The following ZNRF2 variants were observed in gnomAD, a reference collection of about 807,000 sequenced individuals.
ZNRF2 encodes the protein zinc and ring finger 2.
ZNRF2 carries 16 observed loss-of-function variants against 20.4 expected under a neutral mutation model. That is an observed-to-expected ratio of 0.79 (90% CI 0.53 to 1.19). The LOEUF (loss-of-function observed/expected upper bound fraction) is 1.19. Among genes scored for constraint, ZNRF2 ranks in the 50% most tolerant of loss-of-function variants. The pLI is 0.00. For missense variants in ZNRF2, 363 were observed against 332.4 expected (o/e 1.09, Z -0.72); for synonymous variants, 178 against 144.9 (o/e 1.23, Z -1.64).
At chr7:30,305,454 C>T (rs1434393537) in intron 1 of ZNRF2, among the ~76,000 whole-genome samples, 2 of 151,946 alleles carry the variant, frequency 1.3e-5, no homozygotes, top group East Asian at 1.9e-4. Context: ...CTTTTATTTT[C>T]ATGTAGATAG....
Position 30,285,294 on chromosome 7 carries a change from G to C in ZNRF2, c.-64G>C, listed in dbSNP as rs1281015378. 13 of 1,042,328 alleles carry C rather than the reference G, an allele frequency of 1.2e-5. No homozygotes were observed. The highest frequency in any genetic ancestry group is 1.5e-5 in the Non-Finnish European group (13 of 866,596). The allele number at this position is 1,042,328 out of a possible 1,614,324, so 64.6% of individuals were successfully genotyped here. A position where few individuals can be genotyped will look rare whatever the true frequency, so the allele number is the denominator to read the frequency against. On this transcript the variant is annotated 5_prime_UTR_variant, in exon 1 of 5. Transcript: ENST00000323037. ...CTGGGCCCTGCCCTCTAGCTCCCGCGCTCGCTCCCGCCCTCCCGGCTCTCG... is the reference window on the plus strand; with the variant it reads ...CTGGGCCCTGCCCTCTAGCTCCCGCCCTCGCTCCCGCCCTCCCGGCTCTCG...
At chr7:30,343,577 A>G (rs1172953981) in intron 2 of ZNRF2, among the ~76,000 whole-genome samples, 1 of 152,086 alleles carries the variant, frequency 6.6e-6, no homozygotes, top group Non-Finnish European at 1.5e-5. Flanking sequence ...GCATTTTTTA[A>G]TATTATAAAA....
At chr7:30,361,989 A>G (rs1729648377) in intron 3 of ZNRF2, among the ~76,000 whole-genome samples, 1 of 152,222 alleles carries the variant, frequency 6.6e-6, no homozygotes, top group African/African-American at 2.4e-5. Context: ...ATTAAAATTT[A>G]AAAGCCGTTT....
At chr7:30,290,606 C>T (rs539053765) in intron 1 of ZNRF2, among the ~76,000 whole-genome samples, 2 of 152,296 alleles carry the variant, frequency 1.3e-5, no homozygotes, top group African/African-American at 2.4e-5. Context: ...TCACATACAA[C>T]CCATTGCCTT....
intron 1 of ZNRF2, 79 bp downstream of exon 1, chr7:30,285,905 C>T (rs1433503354): frequency 4.4e-6 from 6 of 1,352,438 alleles, no homozygotes; most frequent in African/African-American, 3.1e-5. Flanking sequence ...TATTTTTACC[C>T]TTCTCCTTTT....
At chr7:30,328,692 T>C (rs1414737193) in intron 2 of ZNRF2, among the ~76,000 whole-genome samples, 1 of 152,220 alleles carries the variant, frequency 6.6e-6, no homozygotes, top group Non-Finnish European at 1.5e-5. Context: ...AAAACCTTCT[T>C]ATTTTTTTAA....
chr7:30,365,338 T>C (rs73687832), intron 4 of ZNRF2, among the ~76,000 whole-genome samples: 1,636 of 152,118 alleles, frequency 0.011, 31 homozygotes, highest in African/African-American at 0.036. Flanking sequence ...TTATGTTACA[T>C]ATGAGTGTTA....
intron 2 of ZNRF2, among the ~76,000 whole-genome samples, chr7:30,336,721 C>T (rs1018934877): frequency 1.3e-5 from 2 of 151,892 alleles, no homozygotes; most frequent in Non-Finnish European, 2.9e-5. Flanking sequence ...ATTTTGATCT[C>T]GATATTAGAG....
At chr7:30,313,375 C>T (rs1451664567) in intron 1 of ZNRF2, among the ~76,000 whole-genome samples, 1 of 152,112 alleles carries the variant, frequency 6.6e-6, no homozygotes, top group Non-Finnish European at 1.5e-5. Context: ...ACATATTGCT[C>T]ATGTTACATG....
chr7:30,315,438 A>G (rs1168174224), intron 1 of ZNRF2, among the ~76,000 whole-genome samples: 2 of 152,212 alleles, frequency 1.3e-5, no homozygotes, highest in South Asian at 2.1e-4. Flanking sequence ...AAAGAGTCCT[A>G]GTTCTGGCCC....
At chr7:30,340,789 T>C (rs1799781939) in intron 2 of ZNRF2, among the ~76,000 whole-genome samples, 1 of 152,144 alleles carries the variant, frequency 6.6e-6, no homozygotes, top group Non-Finnish European at 1.5e-5. Context: ...TCTTTTTCTA[T>C]TGTTTGGAAT....
At chr7:30,359,131 A>G (rs1283567610) in intron 3 of ZNRF2, among the ~76,000 whole-genome samples, 2 of 152,222 alleles carry the variant, frequency 1.3e-5, no homozygotes, top group Non-Finnish European at 2.9e-5. Context: ...ATAAAAGTCA[A>G]TTCCAGGTTG....
At chr7:30,290,177 A>G (rs1487673654) in intron 1 of ZNRF2, among the ~76,000 whole-genome samples, 1 of 152,194 alleles carries the variant, frequency 6.6e-6, no homozygotes, top group Non-Finnish European at 1.5e-5. Context: ...CTGTGTTTTA[A>G]TTTTGCATGT....
At chr7:30,360,263 A>T (rs1800105888) in intron 3 of ZNRF2, among the ~76,000 whole-genome samples, 1 of 152,210 alleles carries the variant, frequency 6.6e-6, no homozygotes, top group African/African-American at 2.4e-5. Flanking sequence ...CAGTGTGATT[A>T]GTGAGGAAAT....
rs1799832200 is a variant in ZNRF2 at position 30,343,644 on chromosome 7, T to C, written c.566-12084T>C. Reference sequence around the variant, plus strand: ...ATGTTCAACCTTGTCAATAGTAAGATTGTAATTCATTCTTTCTTTTAGTTT... The same window carrying C: ...ATGTTCAACCTTGTCAATAGTAAGACTGTAATTCATTCTTTCTTTTAGTTT... On this transcript the variant is annotated intron_variant, in intron 2 of 4. Coordinates refer to ENST00000323037, the MANE Select transcript of ZNRF2 (RefSeq NM_147128.4). Among the ~76,000 whole-genome samples the C allele has an allele frequency of 2.0e-5, 3 of 152,090 alleles. No individual in the cohort carries two copies. In the South Asian group the frequency reaches 6.2e-4, roughly 31 times the overall value.
chr7:30,325,987 A>C (rs575360712), intron 2 of ZNRF2, among the ~76,000 whole-genome samples: 1 of 152,276 alleles, frequency 6.6e-6, no homozygotes, highest in South Asian at 2.1e-4. Context: ...AAATATCCAT[A>C]AATCTTAAAG....
chr7:30,336,443 C>T (rs142164441), intron 2 of ZNRF2, among the ~76,000 whole-genome samples: 186 of 151,996 alleles, frequency 1.2e-3, no homozygotes, highest in African/African-American at 4.2e-3. Context: ...TTGGGGGGAA[C>T]TATATTTAAT....
intron 2 of ZNRF2, among the ~76,000 whole-genome samples, chr7:30,324,536 G>A (rs1304781796): frequency 3.4e-5 from 5 of 148,452 alleles, no homozygotes; most frequent in South Asian, 2.1e-4. Context: ...GAGACAGAGT[G>A]AGACTCTGTC....
Position 30,285,070 on chromosome 7 carries a change from G to A in ZNRF2, c.-288G>A. On this transcript the variant is annotated 5_prime_UTR_variant, in exon 1 of 5. Coordinates refer to ENST00000323037, the MANE Select transcript of ZNRF2 (RefSeq NM_147128.4). Reference sequence around the variant, plus strand: ...CGGCAGCCGCACGGCCACTTGAGCCGCCCCTTCCTGCTGGAGCCAGCGAGG... The same window carrying A: ...CGGCAGCCGCACGGCCACTTGAGCCACCCCTTCCTGCTGGAGCCAGCGAGG... The A allele has an allele frequency of 2.4e-6, 1 of 410,444 alleles. No homozygotes were observed. The highest frequency in any genetic ancestry group is 4.8e-6 in the Non-Finnish European group (1 of 208,236). The allele number at this position is 410,444 out of a possible 1,614,324, so 25.4% of individuals were successfully genotyped here.
Sources: allele counts gnomAD v4.1 joint callset (sites outside exome capture counted in the v4.1 genomes callset), GRCh38; gene constraint gnomAD v4.1.1; transcripts MANE v1.5; gene names NCBI Gene and HGNC (gene_info 2026-07-23, HGNC 2026-07-21).